The following SPAG17 variants were observed in gnomAD, a reference collection of about 807,000 sequenced individuals.
The protein encoded by SPAG17 is sperm associated antigen 17, also known as sperm-associated antigen 17.
SPAG17 carries 169 observed loss-of-function variants against 273.6 expected under a neutral mutation model. The ratio of observed to expected loss-of-function variants is 0.62; its 90% CI spans 0.55 to 0.70. The LOEUF (loss-of-function observed/expected upper bound fraction) is 0.70. Among genes scored for constraint, SPAG17 ranks in the 30% least tolerant of loss-of-function variants. The pLI, the probability that SPAG17 is intolerant of heterozygous loss-of-function variation, is 0.00. For missense variants in SPAG17, 2,557 were observed against 2,627.8 expected (o/e 0.97, Z 0.59); for synonymous variants, 825 against 873.2 (o/e 0.94, Z 0.97).
At position 117,953,854 on chromosome 1, in the gene SPAG17, C is replaced by G; in HGVS notation, c.*196G>C. The G allele has an allele frequency of 1.5e-6, 1 of 666,170 alleles. No individual in the cohort carries two copies. Among genetic ancestry groups the G allele is most frequent in the Non-Finnish European group, 2.5e-6 (1 of 395,656 alleles). The allele number at this position is 666,170 out of a possible 1,614,324, so 41.3% of individuals were successfully genotyped here. A position where few individuals can be genotyped will look rare whatever the true frequency, so the allele number is the denominator to read the frequency against. On this transcript the variant is annotated 3_prime_UTR_variant, in exon 49 of 49. Transcript: ENST00000336338. ...TAAAAAATAAGAAAACCAAAAATGT[C>G]TTTAAATGCTTTTTGGCACTCTATT...
At chr1:118,085,538 G>GCACACATACA (rs1654928447) in intron 13 of SPAG17, among the ~76,000 whole-genome samples, 1 of 149,604 alleles carries the variant, frequency 6.7e-6, no homozygotes, top group African/African-American at 2.5e-5. Flanking sequence ...GTGCGCGCGC[G>GCACACATACA]CACACACACA....
chr1:118,122,168 TG>T (rs1657461965), intron 3 of SPAG17, among the ~76,000 whole-genome samples: 4 of 152,076 alleles, frequency 2.6e-5, no homozygotes, highest in Admixed American at 2.6e-4. Context: ...TGTGTGTGTG[TG>T]TGTGTGTGTG....
At position 118,155,111 on chromosome 1, in the gene SPAG17, A is replaced by G. The variant is rs77341642; in HGVS notation, c.88-3742T>C. On this transcript the variant is annotated intron_variant, in intron 1 of 48. Transcript: ENST00000336338. ...TCTCACCCCTCCTAGTGATTGATAA[A>G]GCCATTCAAAGGATGGAATGAAGTC... Among the ~76,000 whole-genome samples, 662 of 152,210 alleles carry G rather than the reference A, an allele frequency of 4.3e-3. 9 individuals are homozygous for G. Among genetic ancestry groups the G allele is most frequent in the African/African-American group, 0.015 (635 of 41,544 alleles).
At chr1:118,051,036 C>T (rs1159803069) in intron 20 of SPAG17, among the ~76,000 whole-genome samples, 1 of 152,018 alleles carries the variant, frequency 6.6e-6, no homozygotes, top group African/African-American at 2.4e-5. Flanking sequence ...AGGAACTCAA[C>T]TCAGTAGCAA....
At chr1:118,137,109 A>T (rs1658412048) in intron 3 of SPAG17, among the ~76,000 whole-genome samples, 1 of 152,122 alleles carries the variant, frequency 6.6e-6, no homozygotes, top group Non-Finnish European at 1.5e-5. Flanking sequence ...CCTAAAATGG[A>T]TCTTTGAGCA....
intron 15 of SPAG17, among the ~76,000 whole-genome samples, chr1:118,079,105 T>C (rs1480780036): frequency 1.3e-5 from 2 of 152,094 alleles, no homozygotes; most frequent in Non-Finnish European, 2.9e-5. Context: ...GAGGAGGATA[T>C]GCTACTTTTC....
At chr1:118,125,364 T>C (rs1454496112) in intron 3 of SPAG17, among the ~76,000 whole-genome samples, 1 of 152,184 alleles carries the variant, frequency 6.6e-6, no homozygotes, top group Admixed American at 6.5e-5. Context: ...CAAACACTTA[T>C]CATTTCTTTG....
intron 48 of SPAG17, among the ~76,000 whole-genome samples, chr1:117,957,709 T>C (rs984161711): frequency 2.6e-5 from 4 of 152,362 alleles, no homozygotes; most frequent in African/African-American, 2.4e-5. Context: ...TTTGTTGTTG[T>C]TGTTCATCAG....
At chr1:117,974,370 C>CT (rs1010079306) in intron 43 of SPAG17, among the ~76,000 whole-genome samples, 3 of 151,926 alleles carry the variant, frequency 2.0e-5, no homozygotes, top group East Asian at 1.9e-4. Context: ...CTATTAGCAT[C>CT]TTTTTTTTAA....
At position 118,099,105 on chromosome 1, in the gene SPAG17, G is replaced by A. The variant is rs138979415; in HGVS notation, c.829+501C>T. Among the ~76,000 whole-genome samples, 1,190 of 152,190 alleles carry A rather than the reference G, an allele frequency of 7.8e-3. 4 individuals carry two copies. The highest frequency in any genetic ancestry group is 0.011 in the Admixed American group (163 of 15,276). On this transcript the variant is annotated intron_variant, in intron 6 of 48. Transcript: ENST00000336338. Reference sequence around the variant, plus strand: ...ACCTCAAGGCTCAAAATGGCTAAATGGTAGCATGATTGGAACTTCATCCCA... The same window carrying A: ...ACCTCAAGGCTCAAAATGGCTAAATAGTAGCATGATTGGAACTTCATCCCA...
At chr1:118,143,553 G>C (rs1341775283) in intron 3 of SPAG17, among the ~76,000 whole-genome samples, 1 of 150,820 alleles carries the variant, frequency 6.6e-6, no homozygotes, top group Non-Finnish European at 1.5e-5. Context: ...AAAAAAGCCA[G>C]CCAAAAAAAA....
chr1:118,114,757 C>G (rs938535631), intron 4 of SPAG17, among the ~76,000 whole-genome samples: 12 of 152,166 alleles, frequency 7.9e-5, no homozygotes, highest in Admixed American at 2.6e-4. Flanking sequence ...TTGGAAAGCA[C>G]ACAGATTGAT....
chr1:118,060,604 T>C (rs539367805), intron 18 of SPAG17, among the ~76,000 whole-genome samples: 1 of 152,346 alleles, frequency 6.6e-6, no homozygotes, highest in Non-Finnish European at 1.5e-5. Flanking sequence ...GACTGTATAC[T>C]TGCCTTTGCC....
At chr1:118,040,517 T>C (rs1291986897) in intron 22 of SPAG17, among the ~76,000 whole-genome samples, 1 of 152,178 alleles carries the variant, frequency 6.6e-6, no homozygotes, top group Non-Finnish European at 1.5e-5. Flanking sequence ...CATATTAGCA[T>C]GTACCAGCTA....
intron 48 of SPAG17, chr1:117,954,598 C>G: frequency 6.2e-7 from 1 of 1,612,450 alleles, no homozygotes; most frequent in Non-Finnish European, 8.5e-7. Flanking sequence ...TCCCAGCAAC[C>G]CCATCCTAAT....
At chr1:118,066,324 G>A (rs1012228903) in intron 18 of SPAG17, among the ~76,000 whole-genome samples, 1 of 152,118 alleles carries the variant, frequency 6.6e-6, no homozygotes, top group Non-Finnish European at 1.5e-5. Context: ...CTGGAAACCT[G>A]ACTGCTCTGT....
intron 4 of SPAG17, among the ~76,000 whole-genome samples, chr1:118,109,456 G>A (rs557663275): frequency 4.4e-4 from 66 of 150,344 alleles, no homozygotes; most frequent in African/African-American, 1.6e-3. Flanking sequence ...TTGGGAGTCT[G>A]AGGCAGGAGA....
intron 32 of SPAG17, among the ~76,000 whole-genome samples, chr1:118,003,759 C>G (rs1658569372): frequency 6.6e-6 from 1 of 152,130 alleles, no homozygotes; most frequent in South Asian, 2.1e-4. Context: ...TGGGTTTGAA[C>G]ATGTTCCTTT....
chr1:118,161,699 C>G (rs576392748), intron 1 of SPAG17, among the ~76,000 whole-genome samples: 44 of 152,156 alleles, frequency 2.9e-4, no homozygotes, highest in African/African-American at 9.4e-4. Flanking sequence ...CCCCACCTGG[C>G]TAATTTTTTG....
Sources: gnomAD v4.1 joint callset for allele counts (sites outside exome capture counted in the v4.1 genomes callset) on GRCh38, gnomAD v4.1.1 for gene constraint, MANE v1.5 for transcripts, NCBI Gene and HGNC (gene_info 2026-07-23, HGNC 2026-07-21) for gene names.